EPB41L3: variants seen among roughly 807,000 people sequenced by gnomAD.
EPB41L3 encodes band 4.1-like protein 3.
Under a neutral mutation model 127.1 loss-of-function variants are expected in EPB41L3, and 57 were observed. The ratio of observed to expected loss-of-function variants is 0.45; its 90% CI spans 0.36 to 0.56. EPB41L3 has a LOEUF of 0.56. Ranked by LOEUF, EPB41L3 falls within the 20% of genes least tolerant of loss-of-function variation. The pLI is 0.00. For synonymous variants in EPB41L3, 572 were observed against 549.5 expected (o/e 1.04, Z -0.57); for missense variants, 1,273 against 1,372.2 (o/e 0.93, Z 1.14).
At chr18:5,555,629 T>A (rs762697553) in intron 3 of EPB41L3, among the ~76,000 whole-genome samples, 2 of 152,152 alleles carry the variant, frequency 1.3e-5, no homozygotes, top group Non-Finnish European at 2.9e-5. Flanking sequence ...AAGCCCTTTG[T>A]ACTTCACCTT....
chr18:5,565,488 G>T (rs1248547558), intron 3 of EPB41L3, among the ~76,000 whole-genome samples: 1 of 151,024 alleles, frequency 6.6e-6, no homozygotes, highest in Non-Finnish European at 1.5e-5. Context: ...AAGTTTTAGG[G>T]TACATGTGCA....
At chr18:5,432,684 C>G (rs1360034886) in intron 8 of EPB41L3, among the ~76,000 whole-genome samples, 1 of 152,200 alleles carries the variant, frequency 6.6e-6, no homozygotes, top group African/African-American at 2.4e-5. Context: ...AAAAGCATGA[C>G]ACAGAGTCAA....
chr18:5,495,399 TAAA>T (rs200781678), intron 1 of EPB41L3, among the ~76,000 whole-genome samples: 6 of 116,008 alleles, frequency 5.2e-5, no homozygotes, highest in African/African-American at 1.5e-4. Flanking sequence ...ATTGGAAACT[TAAA>T]AAAAAAAAAA....
intron 3 of EPB41L3, among the ~76,000 whole-genome samples, chr18:5,550,155 A>G (rs2093944546): frequency 1.3e-5 from 2 of 152,194 alleles, no homozygotes; most frequent in African/African-American, 2.4e-5. Context: ...TGGGAAATTG[A>G]GGACTAATTG....
intron 3 of EPB41L3, among the ~76,000 whole-genome samples, chr18:5,455,069 A>G (rs2082831094): frequency 6.6e-6 from 1 of 152,188 alleles, no homozygotes; most frequent in African/African-American, 2.4e-5. Flanking sequence ...ACTGGTACTT[A>G]TGCAAAGGAT....
intron 1 of EPB41L3, among the ~76,000 whole-genome samples, chr18:5,530,877 C>T (rs548679207): frequency 2.0e-5 from 3 of 152,234 alleles, no homozygotes; most frequent in East Asian, 1.9e-4. Flanking sequence ...CAGGAAGCCC[C>T]GCAAAAATGG....
At chr18:5,430,495 AT>A (rs780004543) in intron 8 of EPB41L3, among the ~76,000 whole-genome samples, 3 of 152,266 alleles carry the variant, frequency 2.0e-5, no homozygotes, top group Admixed American at 6.5e-5. Flanking sequence ...GCAAAAAAAA[AT>A]GATACTTTTC....
At chr18:5,593,382 C>G (rs1012023403) in intron 3 of EPB41L3, among the ~76,000 whole-genome samples, 5 of 151,950 alleles carry the variant, frequency 3.3e-5, no homozygotes, top group Admixed American at 1.3e-4. Flanking sequence ...TGGTAGGTTC[C>G]AAGATGCCCC....
intron 2 of EPB41L3, among the ~76,000 whole-genome samples, chr18:5,482,373 A>G (rs1447615402): frequency 6.6e-6 from 1 of 152,216 alleles, no homozygotes; most frequent in African/African-American, 2.4e-5. Context: ...AATTACCTCA[A>G]AAGACCAAAC....
chr18:5,436,517 T>C (rs2079848972), intron 6 of EPB41L3, among the ~76,000 whole-genome samples: 1 of 148,232 alleles, frequency 6.7e-6, no homozygotes, highest in African/African-American at 2.5e-5. Flanking sequence ...CACGCCATTC[T>C]CCTGCCTCAG....
chr18:5,575,423 T>C (rs2094327294), intron 3 of EPB41L3, among the ~76,000 whole-genome samples: 1 of 152,122 alleles, frequency 6.6e-6, no homozygotes, highest in Non-Finnish European at 1.5e-5. Flanking sequence ...GATCTGATTG[T>C]TAAAAACAGC....
chr18:5,398,643 C>G (rs971266090), intron 16 of EPB41L3: 1 of 400,896 alleles, frequency 2.5e-6, no homozygotes, highest in African/African-American at 2.1e-5. Context: ...ATGAGTGACA[C>G]TGGTTACCAC....
intron 1 of EPB41L3, among the ~76,000 whole-genome samples, chr18:5,514,263 C>T (rs1472537591): frequency 6.6e-6 from 1 of 152,196 alleles, no homozygotes; most frequent in African/African-American, 2.4e-5. Flanking sequence ...AGTTCATCTT[C>T]CCTTCACAGG....
chr18:5,534,506 G>T (rs1043844620), intron 1 of EPB41L3, among the ~76,000 whole-genome samples: 1 of 152,158 alleles, frequency 6.6e-6, no homozygotes, highest in African/African-American at 2.4e-5. Context: ...AAACTCATCA[G>T]GTAATTCTGT....
Position 5,425,763 on chromosome 18 carries a change from G to A in EPB41L3, c.1066-1404C>T, listed in dbSNP as rs865860860. 6.6e-5 allele frequency among the ~76,000 whole-genome samples: 10 copies of A among 152,030 alleles called. No individual in the cohort carries two copies. In the South Asian group the frequency reaches 2.1e-3, roughly 32 times the overall value. On this transcript the variant is annotated intron_variant, in intron 9 of 22. Transcript: ENST00000341928. ...GAGGAGTGAAAAACCAGCTCTCTCT[G>A]AGCCTGCTTATGCCAGCACCACAAC...
At chr18:5,493,071 GA>G (rs2090780877) in intron 1 of EPB41L3, among the ~76,000 whole-genome samples, 1 of 151,648 alleles carries the variant, frequency 6.6e-6, no homozygotes, top group Non-Finnish European at 1.5e-5. Context: ...ACAGAAGCAA[GA>G]AAAAAAAGTC....
At chr18:5,517,658 G>A (rs958978311) in intron 1 of EPB41L3, among the ~76,000 whole-genome samples, 3 of 151,976 alleles carry the variant, frequency 2.0e-5, no homozygotes, top group African/African-American at 7.3e-5. Context: ...GGCTAGTCTC[G>A]AACTCCTGAC....
chr18:5,616,233 C>A (rs575675909), intron 1 of EPB41L3, among the ~76,000 whole-genome samples: 18 of 152,084 alleles, frequency 1.2e-4, no homozygotes, highest in Non-Finnish European at 2.5e-4. Context: ...TACGTGTATG[C>A]CTGCTGCACT....
At chr18:5,575,505 C>G (rs1276143298) in intron 3 of EPB41L3, among the ~76,000 whole-genome samples, 1 of 152,120 alleles carries the variant, frequency 6.6e-6, no homozygotes. Flanking sequence ...TCGACTTCCT[C>G]CATCATTGTA....
Sources: allele counts gnomAD v4.1 joint callset (sites outside exome capture counted in the v4.1 genomes callset), GRCh38; gene constraint gnomAD v4.1.1; transcripts MANE v1.5; gene names NCBI Gene and HGNC (gene_info 2026-07-23, HGNC 2026-07-21).